ELAVL4: variants seen among roughly 807,000 people sequenced by gnomAD.
ELAVL4 encodes the protein ELAV like RNA binding protein 4.
In ELAVL4, 1 loss-of-function variant was observed where a neutral mutation model predicts 35.6. The ratio of observed to expected loss-of-function variants is 0.03; its 90% CI spans 0.01 to 0.13. The LOEUF (loss-of-function observed/expected upper bound fraction) is 0.13. ELAVL4 is among the 10% of genes least tolerant of loss of function. The pLI is 1.00. For missense variants in ELAVL4, 267 were observed against 464.9 expected (o/e 0.57, Z 3.91); for synonymous variants, 156 against 171.0 (o/e 0.91, Z 0.69).
At position 50,109,127 on chromosome 1, in the gene ELAVL4, A is replaced by T; in HGVS notation, c.-63A>T. On this transcript the variant is annotated 5_prime_UTR_variant, in exon 1 of 7. Transcript: ENST00000371824. Reference sequence around the variant, plus strand: ...GTAGTCATTTTAAATATATATTCTGAAATCTTTGCAAATTTTAACAGAAGA... The same window carrying T: ...GTAGTCATTTTAAATATATATTCTGTAATCTTTGCAAATTTTAACAGAAGA... 1 of 1,566,508 alleles carries T rather than the reference A, an allele frequency of 6.4e-7. No homozygotes were observed.
chr1:50,165,662 ATATG>A (rs1457861052), intron 2 of ELAVL4, among the ~76,000 whole-genome samples: 1 of 148,470 alleles, frequency 6.7e-6, no homozygotes, highest in African/African-American at 2.5e-5. Context: ...ATGTGTGTAT[ATATG>A]TATATGTGTG....
At chr1:50,139,310 G>A (rs969990695) in intron 1 of ELAVL4, among the ~76,000 whole-genome samples, 4 of 152,172 alleles carry the variant, frequency 2.6e-5, no homozygotes, top group Admixed American at 2.6e-4. Flanking sequence ...TGATCTCTGT[G>A]CTGTGGACCT....
At chr1:50,053,550 A>G (rs1274864844) in intron 1 of ELAVL4, among the ~76,000 whole-genome samples, 2 of 152,064 alleles carry the variant, frequency 1.3e-5, no homozygotes, top group Non-Finnish European at 2.9e-5. Context: ...GGGTCTCTCT[A>G]TGTTGCCCAG....
chr1:50,148,300 C>T (rs1200148592), intron 2 of ELAVL4, among the ~76,000 whole-genome samples: 1 of 152,154 alleles, frequency 6.6e-6, no homozygotes, highest in Non-Finnish European at 1.5e-5. Flanking sequence ...TAACCCAATG[C>T]AACATTGTGT....
At chr1:50,118,680 C>T (rs1421568225) in intron 1 of ELAVL4, among the ~76,000 whole-genome samples, 1 of 151,928 alleles carries the variant, frequency 6.6e-6, no homozygotes, top group African/African-American at 2.4e-5. Flanking sequence ...TAAATTAATT[C>T]ACAAATTGTT....
chr1:50,141,469 A>G (rs1043549528), intron 1 of ELAVL4, among the ~76,000 whole-genome samples: 2 of 152,076 alleles, frequency 1.3e-5, no homozygotes, highest in African/African-American at 4.8e-5. Flanking sequence ...TGGACACCTG[A>G]CTCAGTGAAG....
rs971321175 is a variant in ELAVL4 at position 50,203,248 on chromosome 1, C to T, written c.*2070C>T. On this transcript the variant is annotated 3_prime_UTR_variant, in exon 7 of 7. Transcript: ENST00000371824. ...TTGTGCATTTTTTCCCATGCTGAAC[C>T]CACTAAGTGCATGTAGACAGGACTG... is the stretch of plus-strand genomic sequence containing the variant. The T allele has an allele frequency of 8.5e-5, 13 of 152,120 alleles. No homozygotes were observed. The highest frequency in any genetic ancestry group is 8.5e-4 in the Admixed American group (13 of 15,266). 9.4% of individuals were successfully genotyped at this position (152,120 alleles called of 1,614,324 possible). A position where few individuals can be genotyped will look rare whatever the true frequency, so the allele number is the denominator to read the frequency against.
At chr1:50,171,624 G>T (rs559481090) in intron 2 of ELAVL4, among the ~76,000 whole-genome samples, 78 of 152,304 alleles carry the variant, frequency 5.1e-4, no homozygotes, top group Non-Finnish European at 8.1e-4. Context: ...TTGATTGTGA[G>T]AATTAAGGGA....
At chr1:50,081,263 C>G (rs1664993272) in intron 1 of ELAVL4, among the ~76,000 whole-genome samples, 1 of 152,124 alleles carries the variant, frequency 6.6e-6, no homozygotes, top group South Asian at 2.1e-4. Context: ...AGGCATGCCC[C>G]AAACTGAATT....
At chr1:50,070,919 T>C (rs1664489530) in intron 1 of ELAVL4, among the ~76,000 whole-genome samples, 1 of 152,182 alleles carries the variant, frequency 6.6e-6, no homozygotes, top group Non-Finnish European at 1.5e-5. Context: ...TCCAGTATTA[T>C]CTGATCTCAA....
chr1:50,095,600 C>G (rs1174027894), intron 1 of ELAVL4, among the ~76,000 whole-genome samples: 1 of 152,054 alleles, frequency 6.6e-6, no homozygotes, highest in Non-Finnish European at 1.5e-5. Context: ...ATGTCACTGC[C>G]TATATAGATA....
chr1:50,131,659 G>A (rs1047319415), intron 1 of ELAVL4, among the ~76,000 whole-genome samples: 2 of 151,846 alleles, frequency 1.3e-5, no homozygotes, highest in East Asian at 1.9e-4. Context: ...GCTTGGTGGC[G>A]CATGCCTGTA....
Position 50,109,015 on chromosome 1 carries a change from T to TCGGGGGGGGGC in ELAVL4, c.-174_-173insGGGGGGGGGCC. On this transcript the variant is annotated 5_prime_UTR_variant, in exon 1 of 7. Transcript: ENST00000371824. Reference sequence around the variant, plus strand: ...GCTCCTTTTCTTTTTTTTCTTTCTCTCCCCCGCCCACCCCCCCAAAAATAA... The same window carrying TCGGGGGGGGGC: ...GCTCCTTTTCTTTTTTTTCTTTCTCTCGGGGGGGGGCCCCCCGCCCACCCCCCCAAAAATAA... The TCGGGGGGGGGC allele has an allele frequency of 1.7e-5, 16 of 960,884 alleles. No homozygotes were observed. Among genetic ancestry groups the TCGGGGGGGGGC allele is most frequent in the Non-Finnish European group, 1.8e-5 (15 of 816,776 alleles). The allele number at this position is 960,884 out of a possible 1,614,324, so 59.5% of individuals were successfully genotyped here. A position where few individuals can be genotyped will look rare whatever the true frequency, so the allele number is the denominator to read the frequency against.
chr1:50,080,416 TCACACA>T (rs71751816), intron 1 of ELAVL4, among the ~76,000 whole-genome samples: 8 of 149,404 alleles, frequency 5.4e-5, no homozygotes, highest in African/African-American at 1.5e-4. Flanking sequence ...GTTGTTGATT[TCACACA>T]CACACACACA....
chr1:50,061,138 G>T (rs908463317), intron 1 of ELAVL4, among the ~76,000 whole-genome samples: 1 of 152,168 alleles, frequency 6.6e-6, no homozygotes, highest in Non-Finnish European at 1.5e-5. Flanking sequence ...GATGCTCTGC[G>T]CTTAACTGTC....
intron 2 of ELAVL4, among the ~76,000 whole-genome samples, chr1:50,167,445 G>A (rs1256492254): frequency 6.6e-6 from 1 of 152,226 alleles, no homozygotes; most frequent in Non-Finnish European, 1.5e-5. Flanking sequence ...TCTGGAGTAA[G>A]TGTCTATTCC....
In ELAVL4 at chr1:50,083,642, A is replaced by G. The variant is rs1384108286; in HGVS notation, c.18+35460A>G. Among the ~76,000 whole-genome samples the G allele has an allele frequency of 2.6e-5, 4 of 151,974 alleles. No homozygotes were observed. The East Asian group carries it at 7.7e-4, about 29-fold the overall frequency. ...ATTAAACATAAAATTTGGGGAGAAA[A>G]CTCCATATTCAAAAAAGTAAGTTAG... On this transcript the variant is annotated intron_variant, in intron 1 of 6. Coordinates refer to the ELAVL4 transcript ENST00000448907.
intron 1 of ELAVL4, among the ~76,000 whole-genome samples, chr1:50,140,503 A>C (rs1308849647): frequency 1.3e-5 from 2 of 152,196 alleles, no homozygotes; most frequent in Non-Finnish European, 2.9e-5. Flanking sequence ...TAATATCTTT[A>C]CATCTTGGCA....
At chr1:50,114,087 AACCAAAC>A (rs1466673189) in intron 1 of ELAVL4, among the ~76,000 whole-genome samples, 2 of 152,154 alleles carry the variant, frequency 1.3e-5, no homozygotes, top group African/African-American at 4.8e-5. Context: ...GTCTGTTAGT[AACCAAAC>A]ACCTTTCTTT....
Sources: gnomAD v4.1 joint callset for allele counts (sites outside exome capture counted in the v4.1 genomes callset) on GRCh38, gnomAD v4.1.1 for gene constraint, MANE v1.5 for transcripts, NCBI Gene and HGNC (gene_info 2026-07-23, HGNC 2026-07-21) for gene names.